Variants in PTPRD observed in about 807,000 individuals in gnomAD.
PTPRD encodes the protein protein tyrosine phosphatase receptor type D.
A neutral mutation model predicts 214.5 loss-of-function variants in PTPRD; 34 were observed. The ratio of observed to expected loss-of-function variants is 0.16; its 90% confidence interval spans 0.12 to 0.21. The LOEUF (loss-of-function observed/expected upper bound fraction) is 0.21. PTPRD is among the 10% of genes least tolerant of loss of function. The pLI is 1.00. For missense variants in PTPRD, 2,545 were observed against 2,398.7 expected (o/e 1.06, Z -1.27); for synonymous variants, 1,128 against 845.7 (o/e 1.33, Z -5.79).
chr9:8,930,471 A>G (rs1376529170), intron 11 of PTPRD, among the ~76,000 whole-genome samples: 2 of 152,182 alleles, frequency 1.3e-5, no homozygotes, highest in Non-Finnish European at 2.9e-5. Context: ...CTTTGGGTAT[A>G]TACCCAGTAA....
At chr9:9,545,494 C>A (rs1273262504) in intron 8 of PTPRD, among the ~76,000 whole-genome samples, 4 of 151,890 alleles carry the variant, frequency 2.6e-5, no homozygotes, top group African/African-American at 7.2e-5. Context: ...ATGTGCCACA[C>A]TTTATCCATT....
chr9:8,331,446 ATCAATCCTGCTTTAAGTTT>A (rs1840946885), intron 44 of PTPRD, 117 bp downstream of exon 44: 2 of 1,012,052 alleles, frequency 2.0e-6, no homozygotes, highest in Non-Finnish European at 2.8e-6. Flanking sequence ...AGAAAGAGAA[ATCAATCCTGCTTTAAGTTT>A]TGTAATACAT....
chr9:8,543,751 T>C (rs1041896056), intron 14 of PTPRD, among the ~76,000 whole-genome samples: 10 of 152,150 alleles, frequency 6.6e-5, no homozygotes, highest in African/African-American at 2.4e-4. Flanking sequence ...CTTGCTCTGT[T>C]GTCCAGGCTG....
chr9:8,336,261 C>A lies in PTPRD; in HGVS notation c.5379+2661G>T, dbSNP rs180844718. Among the ~76,000 whole-genome samples, 6 of 148,808 alleles carry A rather than the reference C, an allele frequency of 4.0e-5. No homozygotes were observed. In the East Asian group the frequency reaches 9.7e-4, roughly 24 times the overall value. ...CTGGTACCAAAACAGAGATATAGAC[C>A]AATGGAACAGAACAGAGGCCTCAGA... On this transcript the variant is annotated intron_variant, in intron 43 of 45. Transcript: ENST00000381196.
At chr9:10,228,378 T>C (rs1048906767) in intron 3 of PTPRD, among the ~76,000 whole-genome samples, 2 of 152,062 alleles carry the variant, frequency 1.3e-5, no homozygotes, top group African/African-American at 4.8e-5. Flanking sequence ...AGGATATTTC[T>C]GTATATTAAA....
At chr9:9,380,050 G>T (rs931505970) in intron 9 of PTPRD, among the ~76,000 whole-genome samples, 2 of 151,842 alleles carry the variant, frequency 1.3e-5, no homozygotes, top group African/African-American at 4.8e-5. Context: ...TTCAAATGTG[G>T]TGTTTAAAGG....
intron 4 of PTPRD, among the ~76,000 whole-genome samples, chr9:10,014,327 T>G (rs1588927652): frequency 6.6e-6 from 1 of 152,012 alleles, no homozygotes. Context: ...AAGCCCATAT[T>G]CTTTCCACTT....
chr9:10,435,460 G>A (rs929875063), intron 2 of PTPRD, among the ~76,000 whole-genome samples: 1 of 151,892 alleles, frequency 6.6e-6, no homozygotes, highest in Non-Finnish European at 1.5e-5. Context: ...GGTCTTATGA[G>A]TAAAGAGGAA....
chr9:9,556,979 C>G (rs979519742), intron 8 of PTPRD, among the ~76,000 whole-genome samples: 2 of 152,148 alleles, frequency 1.3e-5, no homozygotes, highest in East Asian at 3.9e-4. Context: ...GTTACTCTAT[C>G]ACTTTAGGGA....
At chr9:10,243,671 T>C (rs1028363462) in intron 3 of PTPRD, among the ~76,000 whole-genome samples, 1 of 151,984 alleles carries the variant, frequency 6.6e-6, no homozygotes, top group Non-Finnish European at 1.5e-5. Context: ...GAGATATACA[T>C]AGTAACAATA....
intron 14 of PTPRD, among the ~76,000 whole-genome samples, chr9:8,590,824 T>C (rs1459936343): frequency 1.3e-5 from 2 of 152,188 alleles, no homozygotes; most frequent in South Asian, 2.1e-4. Context: ...ACTGCTGTTA[T>C]AATTAGCTGT....
At chr9:10,503,201 A>ACAAAAC (rs1466627599) in intron 2 of PTPRD, among the ~76,000 whole-genome samples, 4 of 134,604 alleles carry the variant, frequency 3.0e-5, no homozygotes, top group African/African-American at 1.3e-4. Context: ...TACAAAAAAA[A>ACAAAAC]AAAAAACAAA....
chr9:9,820,177 A>G (rs549725693), intron 5 of PTPRD, among the ~76,000 whole-genome samples: 2 of 152,272 alleles, frequency 1.3e-5, no homozygotes, highest in African/African-American at 4.8e-5. Context: ...AGTAATAACC[A>G]TTCTGATTGG....
chr9:8,419,463 C>CA (rs1241476057), intron 35 of PTPRD, among the ~76,000 whole-genome samples: 1 of 151,710 alleles, frequency 6.6e-6, no homozygotes, highest in African/African-American at 2.4e-5. Flanking sequence ...GAACAAAAAA[C>CA]AAAAAGCCTA....
intron 5 of PTPRD, among the ~76,000 whole-genome samples, chr9:9,884,101 C>T (rs1472619294): frequency 6.6e-6 from 1 of 152,058 alleles, no homozygotes; most frequent in Non-Finnish European, 1.5e-5. Context: ...GCAGTAAACA[C>T]AGCTGAGAAT....
intron 10 of PTPRD, among the ~76,000 whole-genome samples, chr9:9,064,691 T>C (rs1001827920): frequency 6.6e-6 from 1 of 152,222 alleles, no homozygotes; most frequent in African/African-American, 2.4e-5. Flanking sequence ...ATGATTTCAG[T>C]TGACAGCAAT....
At chr9:8,899,925 G>C (rs2098653250) in intron 11 of PTPRD, among the ~76,000 whole-genome samples, 1 of 152,118 alleles carries the variant, frequency 6.6e-6, no homozygotes, top group South Asian at 2.1e-4. Flanking sequence ...TAAACGATTT[G>C]GAAACATGAA....
intron 8 of PTPRD, among the ~76,000 whole-genome samples, chr9:9,509,717 T>C (rs978279060): frequency 1.3e-5 from 2 of 151,594 alleles, no homozygotes; most frequent in African/African-American, 2.4e-5. Context: ...TGGCTTTCTG[T>C]GCAGTGAGTA....
At chr9:10,209,631 T>C (rs2099505599) in intron 3 of PTPRD, among the ~76,000 whole-genome samples, 1 of 152,070 alleles carries the variant, frequency 6.6e-6, no homozygotes, top group Non-Finnish European at 1.5e-5. Context: ...TTTTATACTA[T>C]ATGATTTTCT....
Sources: allele counts gnomAD v4.1 joint callset (sites outside exome capture counted in the v4.1 genomes callset), GRCh38; gene constraint gnomAD v4.1.1; transcripts MANE v1.5; gene names NCBI Gene and HGNC (gene_info 2026-07-23, HGNC 2026-07-21).